The following KCNH5 variants were observed in gnomAD, a reference collection of about 807,000 sequenced individuals.
KCNH5 encodes the protein voltage-gated delayed rectifier potassium channel KCNH5.
In KCNH5, 46 loss-of-function variants were observed where a neutral mutation model predicts 96.1. That is an observed-to-expected ratio of 0.48 (90% CI 0.38 to 0.61). The LOEUF (loss-of-function observed/expected upper bound fraction) is 0.61. KCNH5 is among the 20% of genes least tolerant of loss of function. KCNH5 has a pLI of 0.00. For synonymous variants in KCNH5, 439 were observed against 449.8 expected, an observed-to-expected ratio of 0.98 and a Z score of 0.30; for missense variants, 907 against 1,225.8, an observed-to-expected ratio of 0.74 and a Z score of 3.88.
intron 4 of KCNH5, among the ~76,000 whole-genome samples, chr14:62,995,315 G>T (rs1890886585): frequency 6.6e-6 from 1 of 152,046 alleles, no homozygotes; most frequent in Non-Finnish European, 1.5e-5. Flanking sequence ...GATTTTGCCG[G>T]TGTATAGATT....
chr14:63,003,766 G>C (rs893734943), intron 3 of KCNH5, among the ~76,000 whole-genome samples: 1 of 149,216 alleles, frequency 6.7e-6, no homozygotes, highest in Non-Finnish European at 1.5e-5. Context: ...ACTACAAGGC[G>C]CCTGCCACCA....
chr14:62,720,940 T>A (rs1362697022), intron 10 of KCNH5, among the ~76,000 whole-genome samples: 2 of 152,198 alleles, frequency 1.3e-5, no homozygotes, highest in African/African-American at 2.4e-5. Flanking sequence ...GAAGAAGCGA[T>A]AGGATAACTG....
chr14:62,883,937 A>C (rs564190971), intron 7 of KCNH5, among the ~76,000 whole-genome samples: 1 of 152,136 alleles, frequency 6.6e-6, no homozygotes, highest in African/African-American at 2.4e-5. Context: ...CTATATCCCA[A>C]CATCTAGGTA....
chr14:62,942,159 A>G (rs779646962), intron 7 of KCNH5, among the ~76,000 whole-genome samples: 2 of 152,150 alleles, frequency 1.3e-5, no homozygotes, highest in East Asian at 3.9e-4. Context: ...CTTTCTTTCC[A>G]TCTTAACCTC....
Position 62,779,920 on chromosome 14 carries a change from C to A in KCNH5, c.1827G>T (p.Lys609Asn). 6.2e-7 allele frequency: 1 copy of A among 1,611,358 alleles called. No individual in the cohort carries two copies. The change falls in exon 10 of 11, where the codon AAG becomes AAT. Residue 609 changes from lysine to asparagine, a missense_variant. Physicochemically the swap from Lys to Asn is moderately conservative, Grantham distance 94. Transcript: ENST00000322893. ...QDDEVVAILG[K>N]GDVFGDIFWK... ...AGAAGATGTCTCCAAATACATCACC[C>A]TTCCCTAGAAAACAGTATAAGATAC...
intron 7 of KCNH5, among the ~76,000 whole-genome samples, chr14:62,921,374 G>A (rs759641363): frequency 2.6e-5 from 4 of 152,098 alleles, no homozygotes; most frequent in Non-Finnish European, 5.9e-5. Flanking sequence ...ATGTTTTCAT[G>A]ATTTTGAAGG....
intron 3 of KCNH5, among the ~76,000 whole-genome samples, chr14:63,003,877 T>C (rs781507847): frequency 1.3e-4 from 20 of 151,498 alleles, no homozygotes; most frequent in Non-Finnish European, 2.6e-4. Flanking sequence ...GCCTCGGCCT[T>C]CCAAAGTGCT....
At chr14:62,848,171 C>A (rs1036229737) in intron 8 of KCNH5, among the ~76,000 whole-genome samples, 11 of 152,148 alleles carry the variant, frequency 7.2e-5, no homozygotes, top group Admixed American at 5.9e-4. Context: ...AAGCTTCTTG[C>A]TGAGATAGTG....
intron 7 of KCNH5, among the ~76,000 whole-genome samples, chr14:62,922,396 T>C (rs750685184): frequency 2.0e-5 from 3 of 152,058 alleles, no homozygotes; most frequent in Non-Finnish European, 2.9e-5. Flanking sequence ...CAAATAAGCA[T>C]GTGACTTAAT....
chr14:62,736,645 C>T (rs1426118866), intron 10 of KCNH5, among the ~76,000 whole-genome samples: 1 of 152,136 alleles, frequency 6.6e-6, no homozygotes, highest in Admixed American at 6.5e-5. Flanking sequence ...CCAACCCCAC[C>T]GTAAAACTTC....
rs768710330 is a variant in KCNH5 at position 62,708,263 on chromosome 14, T to C, written c.2212A>G (p.Ser738Gly). The change falls in exon 11 of 11, where the codon AGC (serine) becomes GGC (glycine). Residue 738 changes from serine to glycine, a missense_variant. By Grantham distance (56) the Ser-to-Gly change is moderately conservative (BLOSUM62 0). This residue lies in a region of KCNH5 where 362 missense variants were observed against 394.4 expected (regional missense o/e 0.92). Coordinates refer to ENST00000322893, the MANE Select transcript of KCNH5 (RefSeq NM_139318.5). ...DPERNQLQVE[S>G]RSLQNGASIT... Reference sequence around the variant, plus strand: ...GAGGCTCCATTCTGTAAGGAGCGGCTCTCTACCTGGAGTTGGTTCCTCTCA... The same window carrying C: ...GAGGCTCCATTCTGTAAGGAGCGGCCCTCTACCTGGAGTTGGTTCCTCTCA... The C allele has an allele frequency of 7.4e-6, 12 of 1,614,138 alleles. 1 individual carries two copies. The South Asian group carries it at 9.9e-5, about 13-fold the overall frequency.
At chr14:62,796,316 G>A (rs1271394951) in intron 9 of KCNH5, among the ~76,000 whole-genome samples, 1 of 152,130 alleles carries the variant, frequency 6.6e-6, no homozygotes, top group Non-Finnish European at 1.5e-5. Flanking sequence ...TGGGCCTACA[G>A]TGGATTTTAA....
intron 10 of KCNH5, among the ~76,000 whole-genome samples, chr14:62,714,458 T>TG (rs1452391548): frequency 3.3e-5 from 5 of 152,176 alleles, no homozygotes; most frequent in Non-Finnish European, 4.4e-5. Flanking sequence ...CTTTGGCCAT[T>TG]GAAAGAATCT....
At chr14:62,919,065 A>G (rs986519434) in intron 7 of KCNH5, among the ~76,000 whole-genome samples, 1 of 152,186 alleles carries the variant, frequency 6.6e-6, no homozygotes, top group Non-Finnish European at 1.5e-5. Context: ...ACAGAAAAAT[A>G]TCCATGACAC....
intron 8 of KCNH5, among the ~76,000 whole-genome samples, chr14:62,832,749 C>T (rs1887381782): frequency 6.6e-6 from 1 of 152,126 alleles, no homozygotes; most frequent in Admixed American, 6.5e-5. Flanking sequence ...TCCAGTTTCT[C>T]TATATCCTTG....
At chr14:62,814,614 C>T (rs1459757562) in intron 8 of KCNH5, among the ~76,000 whole-genome samples, 2 of 151,478 alleles carry the variant, frequency 1.3e-5, no homozygotes, top group Non-Finnish European at 2.9e-5. Context: ...AAAACGCTAT[C>T]TCTACTAAAA....
At chr14:62,832,548 T>G (rs1051109887) in intron 8 of KCNH5, among the ~76,000 whole-genome samples, 9 of 152,186 alleles carry the variant, frequency 5.9e-5, no homozygotes, top group African/African-American at 2.2e-4. Context: ...TTGGCTACGG[T>G]GAATAATACT....
chr14:62,814,202 T>C (rs1886927247), intron 8 of KCNH5, among the ~76,000 whole-genome samples: 1 of 152,114 alleles, frequency 6.6e-6, no homozygotes, highest in Non-Finnish European at 1.5e-5. Flanking sequence ...AGAATCATCG[T>C]GAACCAATTC....
At chr14:62,729,223 A>G (rs1042866819) in intron 10 of KCNH5, among the ~76,000 whole-genome samples, 3 of 152,138 alleles carry the variant, frequency 2.0e-5, no homozygotes, top group Admixed American at 2.0e-4. Context: ...ATCACTTTAA[A>G]TAACAGCTAT....
Sources: gnomAD v4.1 joint callset for allele counts (sites outside exome capture counted in the v4.1 genomes callset) on GRCh38, gnomAD v4.1.1 for gene constraint, gnomAD v4.1.1 regional missense constraint, MANE v1.5 for transcripts, NCBI Gene and HGNC (gene_info 2026-07-23, HGNC 2026-07-21) for gene names.